ADGRF1: variants seen among roughly 807,000 people sequenced by gnomAD.
The protein encoded by ADGRF1 is adhesion G protein-coupled receptor F1, also known as G protein-coupled receptor 110.
ADGRF1 carries 85 observed loss-of-function variants against 87.2 expected under a neutral mutation model. The ratio of observed to expected loss-of-function variants is 0.97; its 90% CI spans 0.82 to 1.17. ADGRF1 has a LOEUF of 1.17. ADGRF1 is among the 50% of genes most tolerant of loss of function. The pLI, the probability that ADGRF1 is intolerant of heterozygous loss-of-function variation, is 0.00. For missense variants in ADGRF1, 1,169 were observed against 1,077.2 expected, an observed-to-expected ratio of 1.09 and a Z score of -1.19; for synonymous variants, 430 against 408.8, an observed-to-expected ratio of 1.05 and a Z score of -0.63.
At chr6:47,020,934 T>C (rs1780028738) in intron 6 of ADGRF1, 145 bp from the exon 7 acceptor site, 3 of 663,368 alleles carry the variant, frequency 4.5e-6, no homozygotes, top group South Asian at 1.8e-5. Context: ...TAATTGCATG[T>C]CATACAAATA....
intron 7 of ADGRF1, chr6:47,019,028 C>T (rs544889287): frequency 1.6e-3 from 252 of 159,012 alleles, no homozygotes; most frequent in African/African-American, 5.0e-3. Context: ...GAACTGAGAT[C>T]GCACCACTCC....
intron 13 of ADGRF1, among the ~76,000 whole-genome samples, chr6:47,005,236 A>G (rs1252767312): frequency 6.6e-6 from 1 of 152,196 alleles, no homozygotes; most frequent in East Asian, 1.9e-4. Flanking sequence ...TTATACTTTT[A>G]TGGCAAAGAA....
rs370477699 is a variant in ADGRF1 at position 47,015,671 on chromosome 6, T to G, written c.764-827A>C. Among the ~76,000 whole-genome samples, 53 of 152,150 alleles carry G rather than the reference T, an allele frequency of 3.5e-4. 1 individual carries two copies. The South Asian group carries it at 0.01, about 30-fold the overall frequency. ...GGAGTGATCTCGGCTCACTGCAACCTCCACCTCCTGGGTTCAAGTGATTCC... is the reference window on the plus strand; with the variant it reads ...GGAGTGATCTCGGCTCACTGCAACCGCCACCTCCTGGGTTCAAGTGATTCC... On this transcript the variant is annotated intron_variant, in intron 8 of 14. Coordinates refer to ENST00000371253, the MANE Select transcript of ADGRF1 (RefSeq NM_153840.4).
In ADGRF1 at chr6:47,009,151, C is replaced by G. The variant is rs200765159; in HGVS notation, c.2284G>C (p.Val762Leu). 2 of 1,614,036 alleles carry G rather than the reference C, an allele frequency of 1.2e-6. No homozygotes were observed. The highest frequency in any genetic ancestry group is 2.7e-5 in the African/African-American group (2 of 74,930). Residue 762 changes from valine (V) to leucine (L), a missense_variant, in exon 11 of 15, where the codon GTG becomes CTG. Transcript: ENST00000371253. ...CAGAGCTTTGTGAGAACTAGCAGCA[C>G]CACAACGAAGTTCACAGCCACAATA... ...LAIVAVNFVV[V>L]LLVLTKLWRP...
intron 9 of ADGRF1, chr6:47,014,185 T>G: frequency 5.3e-5 from 48 of 900,832 alleles, no homozygotes; most frequent in Non-Finnish European, 5.7e-5. Context: ...ATCTGCAAAA[T>G]GAGGTTGGTA....
At chr6:47,031,705 G>T (rs1053830945) in intron 1 of ADGRF1, among the ~76,000 whole-genome samples, 3 of 152,056 alleles carry the variant, frequency 2.0e-5, no homozygotes, top group Non-Finnish European at 4.4e-5. Flanking sequence ...GGACAGGTCA[G>T]GCCCAGCTAT....
chr6:47,019,754 A>G (rs1016785576), intron 7 of ADGRF1: 23 of 984,620 alleles, frequency 2.3e-5, no homozygotes, highest in Non-Finnish European at 2.5e-5. Flanking sequence ...TAACTGTGAA[A>G]AAAAATCACA....
At chr6:47,014,312 G>A (rs1779796307) in intron 9 of ADGRF1, 5 of 1,008,316 alleles carry the variant, frequency 5.0e-6, no homozygotes, top group African/African-American at 3.4e-5. Context: ...TACTAAGCCT[G>A]CTGGCTTATG....
intron 9 of ADGRF1, chr6:47,013,041 G>C: frequency 6.1e-6 from 6 of 982,742 alleles, no homozygotes; most frequent in Non-Finnish European, 7.3e-6. Context: ...CAAAGTGCTA[G>C]GATTACAGGC....
intron 13 of ADGRF1, 58 bp downstream of exon 13, chr6:47,005,759 A>G (rs1265850890): frequency 1.6e-6 from 2 of 1,272,482 alleles, no homozygotes; most frequent in Non-Finnish European, 2.3e-6. Context: ...CTGTATAAAG[A>G]GAAGAATGCA....
chr6:47,027,943 T>C (rs370840450), intron 2 of ADGRF1, among the ~76,000 whole-genome samples, 182 bp from the exon 3 acceptor site: 73 of 152,088 alleles, frequency 4.8e-4, no homozygotes, highest in African/African-American at 1.7e-3. Flanking sequence ...AGAGTAAGAA[T>C]ATGCCTGGCA....
chr6:47,026,411 T>A (rs1364857282), intron 3 of ADGRF1, among the ~76,000 whole-genome samples: 1 of 151,274 alleles, frequency 6.6e-6, no homozygotes, highest in Non-Finnish European at 1.5e-5. Context: ...GTATCTCCAG[T>A]ATAAGACCCC....
chr6:47,034,692 C>T (rs1780535941), intron 1 of ADGRF1, among the ~76,000 whole-genome samples: 1 of 152,160 alleles, frequency 6.6e-6, no homozygotes. Flanking sequence ...ACAATCCAGA[C>T]CCACTTTTGG....
Position 47,010,226 on chromosome 6 carries a change from C to T in ADGRF1, c.1209G>A (p.Arg403=). The part of the protein sequence containing the change: ...LLREEKYASS[R]LLETLENIST... ...TGATGTTTTCTAATGTCTCTAGTAA[C>T]CGTGAGCTGGCATACTTTTCTTCCC... The change falls in exon 11 of 15, where the codon CGG becomes CGA. Residue 403 remains arginine (R), a synonymous_variant. Transcript: ENST00000371253. 1 of 1,613,948 alleles carries T rather than the reference C, an allele frequency of 6.2e-7. No homozygotes were observed. Among genetic ancestry groups the T allele is most frequent in the Non-Finnish European group, 8.5e-7 (1 of 1,179,968 alleles).
At chr6:47,019,493 C>A (rs1779975489) in intron 7 of ADGRF1, 3 of 429,468 alleles carry the variant, frequency 7.0e-6, no homozygotes, top group African/African-American at 2.2e-5. Context: ...ACCATCCTGG[C>A]TAACACGGTG....
chr6:47,028,943 G>A (rs565720301), intron 2 of ADGRF1, 50 bp downstream of exon 2: 36 of 1,448,464 alleles, frequency 2.5e-5, no homozygotes, highest in African/African-American at 7.0e-5. Context: ...GTGCCGGAAC[G>A]AGAGAGGAGA....
intron 4 of ADGRF1, among the ~76,000 whole-genome samples, chr6:47,024,606 G>A (rs1780169935): frequency 2.0e-5 from 3 of 152,180 alleles, no homozygotes; most frequent in African/African-American, 2.4e-5. Flanking sequence ...GAGCCACCGC[G>A]CCTGACCCTG....
rs1405687904 is a variant in ADGRF1, at chr6:47,009,480, T to A, written c.1955A>T (p.Asn652Ile). ...IVGATVDTTV[N>I]PSGVCTAAVF... ...AGCAGCTGTGCAGACTCCAGAAGGG[T>A]TCACCGTGGTGTCCACTGTGGCACC... Residue 652 changes from asparagine (N) to isoleucine (I), a missense_variant, in exon 11 of 15, where the codon AAC (asparagine) becomes ATC (isoleucine). Asn to Ile is a moderately radical substitution (Grantham distance 149). Coordinates refer to ENST00000371253, the MANE Select transcript of ADGRF1 (RefSeq NM_153840.4). The A allele has an allele frequency of 1.9e-6, 3 of 1,613,722 alleles. No individual in the cohort carries two copies. The African/African-American group carries it at 4.0e-5, about 22-fold the overall frequency.
At chr6:47,029,836 G>C (rs2113903965) in intron 1 of ADGRF1, among the ~76,000 whole-genome samples, 1 of 152,212 alleles carries the variant, frequency 6.6e-6, no homozygotes, top group South Asian at 2.1e-4. Context: ...AGTGCTCAGG[G>C]GCCACATGTG....
Sources: allele counts gnomAD v4.1 joint callset (sites outside exome capture counted in the v4.1 genomes callset), GRCh38; gene constraint gnomAD v4.1.1; transcripts MANE v1.5; gene names NCBI Gene and HGNC (gene_info 2026-07-23, HGNC 2026-07-21).